LINGO2: variants seen among roughly 807,000 people sequenced by gnomAD.
LINGO2 encodes leucine-rich repeat and immunoglobulin-like domain-containing nogo receptor-interacting protein 2.
LINGO2 carries 14 observed loss-of-function variants against 30.6 expected under a neutral mutation model. That is an observed-to-expected ratio of 0.46 (90% CI 0.30 to 0.72). LINGO2 has a LOEUF of 0.72. LINGO2 is among the 30% of genes least tolerant of loss of function. The pLI is 0.07. For missense variants in LINGO2, 729 were observed against 751.7 expected, an observed-to-expected ratio of 0.97 and a Z score of 0.35; for synonymous variants, 317 against 288.5, an observed-to-expected ratio of 1.10 and a Z score of -1.00.
chr9:29,047,032 G>C, the LINGO2 span, among the ~76,000 whole-genome samples: 5,711 of 75,642 alleles, frequency 0.076, 355 homozygotes, highest in East Asian at 0.15. Flanking sequence ...AACAGAACAA[G>C]ACTGTCTCAA....
At chr9:28,098,527 C>T (rs900900842) in intron 4 of LINGO2, among the ~76,000 whole-genome samples, 1 of 152,136 alleles carries the variant, frequency 6.6e-6, no homozygotes, top group African/African-American at 2.4e-5. Context: ...TAGCACCTGG[C>T]CTTTCCTGAT....
chr9:28,396,248 G>T (rs1028608656), intron 2 of LINGO2, among the ~76,000 whole-genome samples: 4 of 152,104 alleles, frequency 2.6e-5, no homozygotes, highest in African/African-American at 9.7e-5. Flanking sequence ...ACAAAGCTGC[G>T]AGTTACAAGT....
chr9:28,335,886 G>C (rs1247128914), intron 3 of LINGO2, among the ~76,000 whole-genome samples: 1 of 152,050 alleles, frequency 6.6e-6, no homozygotes, highest in Non-Finnish European at 1.5e-5. Context: ...AAGTAAAACT[G>C]CAATTTACAT....
At chr9:28,280,491 T>C (rs988160918) in intron 4 of LINGO2, among the ~76,000 whole-genome samples, 4 of 152,164 alleles carry the variant, frequency 2.6e-5, no homozygotes, top group Admixed American at 6.6e-5. Flanking sequence ...ATTTCAAATA[T>C]CTATGAAGTT....
At chr9:28,433,949 C>CTCTCTCTATATATATATATA (rs1225323260) in intron 2 of LINGO2, among the ~76,000 whole-genome samples, 20 of 88,472 alleles carry the variant, frequency 2.3e-4, no homozygotes, top group African/African-American at 8.5e-4. Flanking sequence ...CTCTCTCTCT[C>CTCTCTCTATATATATATATA]TATATATATA....
intron 4 of LINGO2, among the ~76,000 whole-genome samples, chr9:28,047,802 A>T (rs113969709): frequency 0.079 from 977 of 12,328 alleles, 39 homozygotes; most frequent in Non-Finnish European, 0.37. Context: ...AGAGCAAAGT[A>T]TTTTTTTTAC....
the LINGO2 span, among the ~76,000 whole-genome samples, chr9:28,975,271 TAGAA>T: frequency 6.6e-6 from 1 of 152,120 alleles, no homozygotes. Flanking sequence ...TCTAAGTTAA[TAGAA>T]AGACAATGAA....
At chr9:28,648,199 T>C (rs966062021) in intron 1 of LINGO2, among the ~76,000 whole-genome samples, 1 of 152,154 alleles carries the variant, frequency 6.6e-6, no homozygotes, top group Non-Finnish European at 1.5e-5. Context: ...TAAATTTAGT[T>C]CAGGTGATGC....
intron 5 of LINGO2, among the ~76,000 whole-genome samples, chr9:27,993,872 G>C (rs56164170): frequency 6.6e-6 from 1 of 151,722 alleles, no homozygotes; most frequent in East Asian, 1.9e-4. Flanking sequence ...TGAGCACCTG[G>C]AACATTTTGC....
chr9:28,117,716 C>T (rs992026274), intron 4 of LINGO2, among the ~76,000 whole-genome samples: 7 of 143,816 alleles, frequency 4.9e-5, no homozygotes, highest in Non-Finnish European at 9.1e-5. Flanking sequence ...GGAAAGGGAA[C>T]TCCCTGACCC....
At chr9:29,152,217 G>A in the LINGO2 span, among the ~76,000 whole-genome samples, 5 of 152,128 alleles carry the variant, frequency 3.3e-5, no homozygotes, top group African/African-American at 1.2e-4. Context: ...TTGTTTGTGG[G>A]AATGAAAGTT....
At chr9:28,189,309 A>G (rs867258323) in intron 4 of LINGO2, among the ~76,000 whole-genome samples, 716 of 6,280 alleles carry the variant, frequency 0.11, 74 homozygotes, top group East Asian at 0.21. Context: ...GGAAGGGAGG[A>G]AGGAAGGAAG....
chr9:28,067,892 G>C (rs1392499954), intron 4 of LINGO2, among the ~76,000 whole-genome samples: 1 of 152,186 alleles, frequency 6.6e-6, no homozygotes, highest in Non-Finnish European at 1.5e-5. Context: ...CAGAAGATCA[G>C]AGAGTTAAAG....
chr9:28,330,538 G>C (rs1297265232), intron 3 of LINGO2, among the ~76,000 whole-genome samples: 2 of 152,046 alleles, frequency 1.3e-5, no homozygotes, highest in African/African-American at 4.8e-5. Context: ...GACCCTAAGG[G>C]CTGTGCTTGG....
At chr9:28,719,881 A>C in the LINGO2 span, among the ~76,000 whole-genome samples, 1 of 152,016 alleles carries the variant, frequency 6.6e-6, no homozygotes, top group African/African-American at 2.4e-5. Context: ...AACTTGCTTA[A>C]TTATGTAAAT....
chr9:28,601,433 T>A (rs888278793), intron 1 of LINGO2, among the ~76,000 whole-genome samples: 4 of 152,042 alleles, frequency 2.6e-5, no homozygotes, highest in African/African-American at 9.7e-5. Context: ...TGTTGAAAAA[T>A]GTGTTGATTC....
intron 1 of LINGO2, among the ~76,000 whole-genome samples, chr9:28,579,446 G>A (rs1200186126): frequency 6.6e-6 from 1 of 151,948 alleles, no homozygotes; most frequent in African/African-American, 2.4e-5. Context: ...ATACTAAACT[G>A]TGAATCCATG....
chr9:28,909,173 T>C, the LINGO2 span, among the ~76,000 whole-genome samples: 4 of 151,956 alleles, frequency 2.6e-5, no homozygotes, highest in African/African-American at 9.7e-5. Context: ...CTGATAGATG[T>C]GTTGTATGTA....
chr9:29,132,918 A>C, the LINGO2 span, among the ~76,000 whole-genome samples: 1 of 151,846 alleles, frequency 6.6e-6, no homozygotes, highest in Non-Finnish European at 1.5e-5. Context: ...ATGAGGTCTC[A>C]CTTTGTTGCC....
Sources: gnomAD v4.1 joint callset for allele counts (sites outside exome capture counted in the v4.1 genomes callset) on GRCh38, gnomAD v4.1.1 for gene constraint, MANE v1.5 for transcripts, NCBI Gene and HGNC (gene_info 2026-07-23, HGNC 2026-07-21) for gene names.